WWOX: variants seen among roughly 807,000 people sequenced by gnomAD.
WWOX encodes WW domain-containing oxidoreductase.
Under a neutral mutation model 46.2 loss-of-function variants are expected in WWOX, and 69 were observed. The ratio of observed to expected loss-of-function variants is 1.49; its 90% CI spans 1.23 to 1.82. The LOEUF is 1.82. Among genes scored for constraint, WWOX ranks in the 40% most tolerant of loss-of-function variants. The pLI is 0.00. For synonymous variants in WWOX, 359 were observed against 202.6 expected, an observed-to-expected ratio of 1.77 and a Z score of -6.56; for missense variants, 919 against 542.6, an observed-to-expected ratio of 1.69 and a Z score of -6.89.
intron 4 of WWOX, chr16:78,123,423 T>C (rs1391989513): frequency 1.4e-5 from 2 of 146,442 alleles, no homozygotes; most frequent in African/African-American, 5.1e-5. Context: ...TATGTTTTTT[T>C]CTTTGTTTTT....
At chr16:78,488,034 C>T (rs1288953010) in intron 8 of WWOX, among the ~76,000 whole-genome samples, 1 of 152,126 alleles carries the variant, frequency 6.6e-6, no homozygotes, top group African/African-American at 2.4e-5. Flanking sequence ...GGAACTGGGA[C>T]CTCTTCTCTC....
intron 8 of WWOX, among the ~76,000 whole-genome samples, chr16:78,460,519 A>G (rs1195991901): frequency 6.6e-6 from 1 of 152,092 alleles, no homozygotes; most frequent in East Asian, 1.9e-4. Flanking sequence ...GATTTCTCCA[A>G]CCCTGAATGT....
At chr16:78,734,104 A>G (rs142657322) in intron 8 of WWOX, among the ~76,000 whole-genome samples, 22 of 152,212 alleles carry the variant, frequency 1.4e-4, no homozygotes, top group Middle Eastern at 6.8e-3. Flanking sequence ...CCATCCGTCC[A>G]TCTATTCATA....
chr16:79,071,925 T>G (rs573202343), intron 8 of WWOX, among the ~76,000 whole-genome samples: 1 of 152,314 alleles, frequency 6.6e-6, no homozygotes, highest in East Asian at 1.9e-4. Flanking sequence ...GGCCAAACCT[T>G]GTGTGAGCTG....
rs1287638259 is a variant in WWOX, at chr16:79,211,726, A to G, written c.1175A>G (p.Glu392Gly). ...CMPSPEAQSE[E>G]TARTLWALSE... Reference sequence around the variant, plus strand: ...CCCTCACCAGAAGCTCAGAGCGAAGAGACGGCCCGGACCCTGTGGGCGCTC... The same window carrying G: ...CCCTCACCAGAAGCTCAGAGCGAAGGGACGGCCCGGACCCTGTGGGCGCTC... Residue 392 changes from glutamate (E) to glycine (G), a missense_variant, in exon 9 of 9, where the codon GAG becomes GGG. Glu to Gly is a moderately conservative substitution (Grantham distance 98). Coordinates refer to ENST00000566780, the MANE Select transcript of WWOX (RefSeq NM_016373.4). 3 of 1,614,108 alleles carry G rather than the reference A, an allele frequency of 1.9e-6. No homozygotes were observed. Among genetic ancestry groups the G allele is most frequent in the African/African-American group, 2.7e-5 (2 of 74,948 alleles).
chr16:78,828,041 C>T (rs1415846040), intron 8 of WWOX, among the ~76,000 whole-genome samples: 3 of 152,164 alleles, frequency 2.0e-5, no homozygotes, highest in Admixed American at 6.5e-5. Flanking sequence ...CACATTGCTG[C>T]AGGCATTGGC....
chr16:78,164,072 C>T (rs2034886063), intron 4 of WWOX, 111 bp from the exon 5 acceptor site: 3 of 1,001,134 alleles, frequency 3.0e-6, no homozygotes, highest in Non-Finnish European at 4.7e-6. Flanking sequence ...TCAAAATCAC[C>T]CCTGGTTGAG....
chr16:78,360,763 T>G (rs550406183), intron 5 of WWOX, among the ~76,000 whole-genome samples: 7 of 152,174 alleles, frequency 4.6e-5, no homozygotes, highest in African/African-American at 1.7e-4. Flanking sequence ...ATCTTTTTAT[T>G]CCAGGATCTA....
chr16:78,486,807 C>T (rs184855009), intron 8 of WWOX, among the ~76,000 whole-genome samples: 5 of 152,296 alleles, frequency 3.3e-5, no homozygotes, highest in Admixed American at 3.3e-4. Context: ...CTCCTGACTT[C>T]GTGATCCACT....
At chr16:78,765,941 A>G (rs955564310) in intron 8 of WWOX, among the ~76,000 whole-genome samples, 1 of 152,188 alleles carries the variant, frequency 6.6e-6, no homozygotes, top group Non-Finnish European at 1.5e-5. Context: ...AGGGGTGATC[A>G]GGGATCCCAG....
intron 8 of WWOX, among the ~76,000 whole-genome samples, chr16:78,931,980 G>T (rs2045633291): frequency 6.6e-6 from 1 of 152,184 alleles, no homozygotes; most frequent in African/African-American, 2.4e-5. Context: ...AAACTCTCTT[G>T]CCTGCTGCCA....
At chr16:79,166,205 C>T (rs2050591177) in intron 8 of WWOX, among the ~76,000 whole-genome samples, 1 of 152,164 alleles carries the variant, frequency 6.6e-6, no homozygotes, top group South Asian at 2.1e-4. Flanking sequence ...AAATTGACTT[C>T]AATCACTTCT....
intron 5 of WWOX, among the ~76,000 whole-genome samples, chr16:78,273,446 A>T (rs1264793829): frequency 2.6e-5 from 4 of 152,198 alleles, no homozygotes; most frequent in Non-Finnish European, 5.9e-5. Context: ...AGAGAACAAC[A>T]TGTATGCAGA....
chr16:78,548,131 G>T (rs748629908), intron 8 of WWOX, among the ~76,000 whole-genome samples: 18 of 146,730 alleles, frequency 1.2e-4, no homozygotes, highest in Non-Finnish European at 1.8e-4. Flanking sequence ...CTCCAGCCTG[G>T]GTGACAGAGC....
intron 5 of WWOX, among the ~76,000 whole-genome samples, chr16:78,366,338 C>T (rs373956425): frequency 6.6e-6 from 1 of 152,206 alleles, no homozygotes; most frequent in Non-Finnish European, 1.5e-5. Context: ...CTATGCCTAT[C>T]CACACATCCT....
intron 5 of WWOX, among the ~76,000 whole-genome samples, chr16:78,372,555 G>A (rs1217640266): frequency 1.3e-5 from 2 of 152,156 alleles, no homozygotes; most frequent in Non-Finnish European, 2.9e-5. Context: ...TCTCTGGAGG[G>A]AAGTGCCCTG....
chr16:78,731,862 T>TTTTTTTTTTTTTTTTG (rs34201735), intron 8 of WWOX, among the ~76,000 whole-genome samples: 2 of 137,802 alleles, frequency 1.5e-5, no homozygotes, highest in African/African-American at 3.1e-5. Context: ...TTTTTTTTTT[T>TTTTTTTTTTTTTTTTG]TGAGAGACAG....
intron 8 of WWOX, among the ~76,000 whole-genome samples, chr16:78,529,007 A>T (rs1005738564): frequency 6.9e-6 from 1 of 144,570 alleles, no homozygotes; most frequent in Non-Finnish European, 1.5e-5. Flanking sequence ...AGGCCGGAGT[A>T]CAGTGGCACG....
chr16:78,146,106 C>T (rs1443504200), intron 4 of WWOX, among the ~76,000 whole-genome samples: 1 of 152,116 alleles, frequency 6.6e-6, no homozygotes, highest in East Asian at 1.9e-4. Context: ...AGCTTTGAGC[C>T]AGATAACAAT....
Sources: allele counts gnomAD v4.1 joint callset (sites outside exome capture counted in the v4.1 genomes callset), GRCh38; gene constraint gnomAD v4.1.1; transcripts MANE v1.5; gene names NCBI Gene and HGNC (gene_info 2026-07-23, HGNC 2026-07-21).